LAMC3: variants seen among roughly 807,000 people sequenced by gnomAD.
LAMC3 encodes the protein laminin subunit gamma 3, also known as laminin subunit gamma-3.
In LAMC3, 128 loss-of-function variants were observed where a neutral mutation model predicts 173.8. The observed-to-expected ratio is 0.74, with a 90% CI of 0.64 to 0.85. LAMC3 has a LOEUF of 0.85. LAMC3 is among the 40% of genes least tolerant of loss of function. LAMC3 has a pLI of 0.00. For synonymous variants in LAMC3, 897 were observed against 909.1 expected (o/e 0.99, Z 0.24); for missense variants, 2,022 against 2,156.0 (o/e 0.94, Z 1.23).
chr9:131,058,132 G>T (rs1253197184), intron 12 of LAMC3, among the ~76,000 whole-genome samples: 3 of 151,880 alleles, frequency 2.0e-5, no homozygotes, highest in Non-Finnish European at 4.4e-5. Context: ...TATTTTTTGT[G>T]GGGGGTGACA....
chr9:131,062,205 C>T (rs879308727), intron 13 of LAMC3, among the ~76,000 whole-genome samples: 4 of 151,262 alleles, frequency 2.6e-5, no homozygotes, highest in South Asian at 4.2e-4. Flanking sequence ...ACTAAAAATA[C>T]GAAAAATTAG....
chr9:131,090,414 G>A (rs818058), intron 27 of LAMC3, among the ~76,000 whole-genome samples: 1 of 152,060 alleles, frequency 6.6e-6, no homozygotes, highest in Non-Finnish European at 1.5e-5. Context: ...GAATCTCTTC[G>A]AAGACCAGGC....
At chr9:131,076,417 C>T (rs1456465702) in intron 21 of LAMC3, among the ~76,000 whole-genome samples, 1 of 148,670 alleles carries the variant, frequency 6.7e-6, no homozygotes, top group Non-Finnish European at 1.5e-5. Context: ...TGGAGACTCC[C>T]CAGCATCTTG....
chr9:131,061,404 G>A (rs556903551), intron 13 of LAMC3, among the ~76,000 whole-genome samples, 181 bp downstream of exon 13: 1 of 152,320 alleles, frequency 6.6e-6, no homozygotes, highest in East Asian at 1.9e-4. Flanking sequence ...CATAGCCAGA[G>A]CCCCAGGCTG....
At position 131,068,148 on chromosome 9, in the gene LAMC3, C is replaced by A; in HGVS notation, c.2664C>A (p.Ser888=). ...GCGACCCAGTGACAGGCCAATGCTCCTGCCTGCCTCATGTGACTGCACGGG... is the reference window on the plus strand; with the variant it reads ...GCGACCCAGTGACAGGCCAATGCTCATGCCTGCCTCATGTGACTGCACGGG... ...MPCDPVTGQC[S]CLPHVTARDC... is the part of the protein sequence containing the mutation. Residue 888 remains serine (S), a synonymous_variant, in exon 15 of 28, where the codon TCC becomes TCA. Transcript: ENST00000361069. The A allele has an allele frequency of 6.2e-7, 1 of 1,613,418 alleles. No individual in the cohort carries two copies.
intron 9 of LAMC3, among the ~76,000 whole-genome samples, chr9:131,050,489 C>T (rs181068287): frequency 4.6e-5 from 7 of 152,268 alleles, no homozygotes; most frequent in Admixed American, 4.6e-4. Flanking sequence ...TTAGGCCGAG[C>T]GCAATGGCTC....
chr9:131,023,358 G>GTTTTCCAAA lies in LAMC3; in HGVS notation c.374-2926_374-2918dup, dbSNP rs572599665. 8.5e-5 allele frequency among the ~76,000 whole-genome samples: 13 copies of GTTTTCCAAA among 152,270 alleles called. No homozygotes were observed. The East Asian group carries it at 9.7e-4, about 11-fold the overall frequency. ...ACATTTTGAGGAACTGCTAGGCGCT[G>GTTTTCCAAA]TTTTCCAAAGTGGCCGCCCCATTTT... is the stretch of plus-strand genomic sequence containing the variant. On this transcript the variant is annotated intron_variant, in intron 1 of 27. Transcript: ENST00000361069.
In LAMC3 at chr9:131,026,414, A is replaced by G; in HGVS notation, c.503A>G (p.Gln168Arg). ...TACCAGTTCTACAGCGCCTCCTGCC[A>G]GAAGACCTACGGCCGGCCCGAGGGC... ...EPYQFYSASCQKTYGRPEGQY... is the reference protein window; with the variant it reads ...EPYQFYSASCRKTYGRPEGQY... Residue 168 changes from glutamine (Q) to arginine (R), a missense_variant, in exon 2 of 28, where the codon CAG (glutamine) becomes CGG (arginine). Coordinates refer to ENST00000361069, the MANE Select transcript of LAMC3 (RefSeq NM_006059.4). The surrounding 1 kb of genome is among the most constrained non-coding windows in gnomAD (Gnocchi z 4.8). The G allele has an allele frequency of 6.2e-7, 1 of 1,614,046 alleles. No individual in the cohort carries two copies. Among genetic ancestry groups the G allele is most frequent in the Non-Finnish European group, 8.5e-7 (1 of 1,180,024 alleles).
Position 131,009,608 on chromosome 9 carries a change from C to G in LAMC3, c.373+21C>G. ...CCTAGGTAAGCGCGGGCTGGGGGCA[C>G]CGCCACCGCACCCCGTGTCCCCACT... On this transcript the variant is annotated intron_variant, in intron 1 of 27. Transcript: ENST00000361069. The surrounding 1 kb of genome is among the most constrained non-coding windows in gnomAD (Gnocchi z 4.3). The G allele has an allele frequency of 1.9e-6, 3 of 1,559,736 alleles. No homozygotes were observed. The South Asian group carries it at 3.5e-5, about 18-fold the overall frequency.
chr9:131,069,597 C>T, intron 16 of LAMC3, 75 bp from the exon 17 acceptor site: 2 of 1,483,640 alleles, frequency 1.3e-6, no homozygotes, highest in Non-Finnish European at 1.8e-6. Flanking sequence ...CGCACTGCCC[C>T]TGGCCCCTCT....
intron 9 of LAMC3, among the ~76,000 whole-genome samples, chr9:131,050,595 G>C (rs1453359638): frequency 6.6e-6 from 1 of 152,028 alleles, no homozygotes; most frequent in South Asian, 2.1e-4. Context: ...GTGAAACCTC[G>C]TCTCTACTAA....
chr9:131,034,799 C>T lies in LAMC3; in HGVS notation c.810-1367C>T, dbSNP rs1010858497. On this transcript the variant is annotated intron_variant, in intron 3 of 27. Transcript: ENST00000361069. ...CAGGGTCAGGCTCTGCCGAGCATGC[C>T]GCGGGCTCCCAGGGCACCCCTGTTC... Among the ~76,000 whole-genome samples, 32 of 152,182 alleles carry T rather than the reference C, an allele frequency of 2.1e-4. 1 individual carries two copies. Among genetic ancestry groups the T allele is most frequent in the Admixed American group, 3.3e-4 (5 of 15,284 alleles).
chr9:131,027,842 A>G (rs967009763), intron 2 of LAMC3, among the ~76,000 whole-genome samples: 10 of 152,112 alleles, frequency 6.6e-5, no homozygotes, highest in Non-Finnish European at 1.5e-4. Context: ...GCCTGTCGCC[A>G]TGTCAGTCCA....
rs746425497 is a variant in LAMC3 at position 131,091,844 on chromosome 9, G to A, written c.*57G>A. On this transcript the variant is annotated 3_prime_UTR_variant, in exon 28 of 28. Coordinates refer to ENST00000361069, the MANE Select transcript of LAMC3 (RefSeq NM_006059.4). ...CACCTGCTGTTTACATGACCCAGGG[G>A]GTGCACACTACCCCACAGGTGTGCC... 8 of 1,598,084 alleles carry A rather than the reference G, an allele frequency of 5.0e-6. No homozygotes were observed. In the Admixed American group the frequency reaches 1.3e-4, roughly 27 times the overall value.
intron 13 of LAMC3, among the ~76,000 whole-genome samples, chr9:131,062,751 C>T (rs536121008): frequency 2.0e-5 from 3 of 151,924 alleles, no homozygotes; most frequent in Non-Finnish European, 4.4e-5. Context: ...CACCTGTAAT[C>T]CCAGCTACTC....
chr9:131,067,752 C>T (rs184216317), intron 14 of LAMC3, among the ~76,000 whole-genome samples: 2 of 150,134 alleles, frequency 1.3e-5, no homozygotes, highest in Admixed American at 1.3e-4. Context: ...AACAGGGTCA[C>T]GGGACCCAGA....
At chr9:131,048,961 C>A in intron 8 of LAMC3, 59 bp from the exon 9 acceptor site, 1 of 1,133,964 alleles carries the variant, frequency 8.8e-7, no homozygotes, top group South Asian at 1.4e-5. Flanking sequence ...GGGCTGGCAC[C>A]TGGAGACCAC....
At chr9:131,042,420 T>C (rs4740396) in intron 7 of LAMC3, among the ~76,000 whole-genome samples, 30,145 of 132,814 alleles carry the variant, frequency 0.23, 3,677 homozygotes, top group Middle Eastern at 0.34. Flanking sequence ...ACTATCACAG[T>C]CTTCCCCTTT....
chr9:131,049,141 C>T lies in LAMC3; in HGVS notation c.1630+11C>T. On this transcript the variant is annotated intron_variant, in intron 9 of 27. Transcript: ENST00000361069. ...AGCTCACAGCACCAGGTACCTCCAG[C>T]ACCAGGTGGGGGCTGGCCGCCCTGT... 6.7e-7 allele frequency: 1 copy of T among 1,502,606 alleles called. No individual in the cohort carries two copies. The highest frequency in any genetic ancestry group is 9.1e-7 in the Non-Finnish European group (1 of 1,102,240). 93.1% of individuals were successfully genotyped at this position (1,502,606 alleles called of 1,614,324 possible). A position where few individuals can be genotyped will look rare whatever the true frequency, so the allele number is the denominator to read the frequency against.
Sources: gnomAD v4.1 joint callset for allele counts (sites outside exome capture counted in the v4.1 genomes callset) on GRCh38, gnomAD v4.1.1 for gene constraint, Gnocchi (gnomAD v3.1) non-coding constraint, MANE v1.5 for transcripts, NCBI Gene and HGNC (gene_info 2026-07-23, HGNC 2026-07-21) for gene names.